HERC2: variants seen among roughly 807,000 people sequenced by gnomAD.
HERC2 encodes the protein HECT and RLD domain containing E3 ubiquitin protein ligase 2, also known as E3 ubiquitin-protein ligase HERC2.
Under a neutral mutation model 537.7 loss-of-function variants are expected in HERC2, and 102 were observed. The ratio of observed to expected loss-of-function variants is 0.19; its 90% CI spans 0.16 to 0.22. The LOEUF is 0.22. Ranked by LOEUF, HERC2 falls within the 10% of genes least tolerant of loss-of-function variation. HERC2 has a pLI of 1.00. For missense variants in HERC2, 4,236 were observed against 6,198.2 expected (o/e 0.68, Z 10.63); for synonymous variants, 2,224 against 2,466.2 (o/e 0.90, Z 2.91).
At chr15:28,269,857 C>T (rs1468425791) in intron 10 of HERC2, among the ~76,000 whole-genome samples, 1 of 152,284 alleles carries the variant, frequency 6.6e-6, no homozygotes, top group South Asian at 2.1e-4. Flanking sequence ...AACCAGCCCA[C>T]ACTAGGTGCA....
chr15:28,314,999 G>A (rs1275779560), intron 2 of HERC2, among the ~76,000 whole-genome samples: 13 of 152,256 alleles, frequency 8.5e-5, no homozygotes, highest in Middle Eastern at 3.4e-3. Flanking sequence ...GAGCACGTAC[G>A]GCCCACATAA....
At chr15:28,181,465 G>C (rs999490232) in intron 57 of HERC2, among the ~76,000 whole-genome samples, 6 of 152,202 alleles carry the variant, frequency 3.9e-5, no homozygotes, top group African/African-American at 1.4e-4. Context: ...ATTGCACCTT[G>C]AAAGGAAAGA....
chr15:28,253,872 G>A (rs1326259804), intron 20 of HERC2, among the ~76,000 whole-genome samples: 1 of 152,158 alleles, frequency 6.6e-6, no homozygotes, highest in Non-Finnish European at 1.5e-5. Context: ...TGAGGCAGGA[G>A]AATTGCTAGA....
At chr15:28,128,494 T>C (rs1171405713) in intron 83 of HERC2, among the ~76,000 whole-genome samples, 1 of 152,204 alleles carries the variant, frequency 6.6e-6, no homozygotes, top group African/African-American at 2.4e-5. Flanking sequence ...AAGTTCTGGA[T>C]CAAGAACTAC....
At chr15:28,276,588 A>G (rs1438632626) in intron 5 of HERC2, among the ~76,000 whole-genome samples, 1 of 152,050 alleles carries the variant, frequency 6.6e-6, no homozygotes, top group Non-Finnish European at 1.5e-5. Context: ...TACAAAAATT[A>G]GCCGGGTGTG....
At chr15:28,173,852 G>A (rs1159561926) in intron 65 of HERC2, among the ~76,000 whole-genome samples, 1 of 150,446 alleles carries the variant, frequency 6.6e-6, no homozygotes, top group Non-Finnish European at 1.5e-5. Flanking sequence ...CATGCAAACT[G>A]ATCTCTAGTG....
chr15:28,191,361 G>T, intron 53 of HERC2, 117 bp from the exon 54 acceptor site: 1 of 657,822 alleles, frequency 1.5e-6, no homozygotes, highest in Non-Finnish European at 2.6e-6. Flanking sequence ...ATAAAATGTA[G>T]CATGAGAGAG....
At chr15:28,245,097 AGAG>A (rs1157242893) in intron 23 of HERC2, among the ~76,000 whole-genome samples, 1 of 152,180 alleles carries the variant, frequency 6.6e-6, no homozygotes, top group Non-Finnish European at 1.5e-5. Flanking sequence ...TCAAACAACC[AGAG>A]GACTCTGGAG....
Position 28,218,544 on chromosome 15 carries a change from C to G in HERC2, c.5973G>C (p.Lys1991Asn). ...HAEIMQSEATKTLCGLLRMLV... is the reference protein window; with the variant it reads ...HAEIMQSEATNTLCGLLRMLV... Reference sequence around the variant, plus strand: ...ACATTCGCAGCAGTCCGCATAAAGTCTTGGTGGCTTCGCTCTGCATGATCT... The same window carrying G: ...ACATTCGCAGCAGTCCGCATAAAGTGTTGGTGGCTTCGCTCTGCATGATCT... Residue 1991 changes from lysine (K) to asparagine (N), a missense_variant, in exon 38 of 93, where the codon AAG becomes AAC. Physicochemically the swap from Lys to Asn is moderately conservative, Grantham distance 94. Transcript: ENST00000261609. 1.3e-6 allele frequency: 2 copies of G among 1,597,872 alleles called. No individual in the cohort carries two copies. The highest frequency in any genetic ancestry group is 2.7e-5 in the African/African-American group (2 of 74,828).
chr15:28,223,587 A>G (rs1213061706), intron 35 of HERC2, among the ~76,000 whole-genome samples: 3 of 152,172 alleles, frequency 2.0e-5, no homozygotes, highest in Non-Finnish European at 4.4e-5. Flanking sequence ...TCCCCTGGGC[A>G]GCTATACTGT....
rs1199324482 is a variant in HERC2, at chr15:28,322,157, G to A, written c.-114C>T. 1.7e-5 allele frequency: 1 copy of A among 57,378 alleles called. No individual in the cohort carries two copies. Among genetic ancestry groups the A allele is most frequent in the Admixed American group, 1.6e-4 (1 of 6,346 alleles). The allele number at this position is 57,378 out of a possible 1,614,324, so 3.6% of individuals were successfully genotyped here. ...AGCCGCTGGCTCAGCCGGCGCCCGC[G>A]ATCCCGGCGCCTCTCGCGGCCCGAG... On this transcript the variant is annotated 5_prime_UTR_variant, in exon 1 of 93. Coordinates refer to ENST00000261609, the MANE Select transcript of HERC2 (RefSeq NM_004667.6).
chr15:28,224,366 C>A (rs1220395349), intron 35 of HERC2, among the ~76,000 whole-genome samples: 2 of 152,082 alleles, frequency 1.3e-5, no homozygotes, highest in African/African-American at 2.4e-5. Flanking sequence ...GGACCATAGG[C>A]ACACACCACT....
intron 87 of HERC2, 44 bp from the exon 88 acceptor site, chr15:28,116,903 T>C (rs1397540818): frequency 3.7e-6 from 6 of 1,608,496 alleles, no homozygotes; most frequent in Non-Finnish European, 5.1e-6. Context: ...CACACAGTCC[T>C]GTGTAAAGAG....
intron 4 of HERC2, among the ~76,000 whole-genome samples, chr15:28,283,335 T>C (rs1261195803): frequency 6.6e-6 from 1 of 152,178 alleles, no homozygotes; most frequent in Non-Finnish European, 1.5e-5. Flanking sequence ...TTAACTATCG[T>C]GCATTAACAA....
chr15:28,259,846 TA>T (rs1417786097), intron 16 of HERC2, among the ~76,000 whole-genome samples: 1 of 150,618 alleles, frequency 6.6e-6, no homozygotes, highest in Non-Finnish European at 1.5e-5. Context: ...TGCACACCTA[TA>T]ATCCCAGCTA....
At chr15:28,130,698 T>C (rs1890019089) in intron 81 of HERC2, 104 bp from the exon 82 acceptor site, 2 of 852,388 alleles carry the variant, frequency 2.3e-6, no homozygotes, top group Non-Finnish European at 4.0e-6. Context: ...TCTGAAAACT[T>C]GTACCCATGA....
chr15:28,156,670 C>G (rs910719563), intron 69 of HERC2, among the ~76,000 whole-genome samples: 7 of 152,190 alleles, frequency 4.6e-5, no homozygotes, highest in African/African-American at 1.7e-4. Flanking sequence ...ATGGGGTTTT[C>G]TAGATATACA....
Position 28,299,204 on chromosome 15 carries a change from C to G in HERC2, c.187+198G>C, listed in dbSNP as rs567880769. ...GCAAGATGGTTTTGCAATAAAAATG[C>G]CTTCAATTAACGTAAAACAATAAAA... On this transcript the variant is annotated intron_variant, in intron 3 of 92. Transcript: ENST00000261609. 5.3e-5 allele frequency among the ~76,000 whole-genome samples: 8 copies of G among 151,914 alleles called. 1 individual carries two copies. The highest frequency in any genetic ancestry group is 5.9e-5 in the Non-Finnish European group (4 of 67,998).
intron 2 of HERC2, among the ~76,000 whole-genome samples, chr15:28,307,883 G>A (rs1180271597): frequency 6.6e-6 from 1 of 152,122 alleles, no homozygotes; most frequent in African/African-American, 2.4e-5. Flanking sequence ...ATTTGTTTCT[G>A]GATTCTCTAT....
Sources: allele counts gnomAD v4.1 joint callset (sites outside exome capture counted in the v4.1 genomes callset), GRCh38; gene constraint gnomAD v4.1.1; transcripts MANE v1.5; gene names NCBI Gene and HGNC (gene_info 2026-07-23, HGNC 2026-07-21).